The following PDXDC1 variants were observed in gnomAD, a reference collection of about 807,000 sequenced individuals.
The protein encoded by PDXDC1 is pyridoxal dependent decarboxylase domain containing 1.
Under a neutral mutation model 100.1 loss-of-function variants are expected in PDXDC1, and 42 were observed. That is an observed-to-expected ratio of 0.42 (90% confidence interval 0.33 to 0.54). The LOEUF (loss-of-function observed/expected upper bound fraction) is 0.54, where lower values mean the gene tolerates loss of function less well. Among genes scored for constraint, PDXDC1 ranks in the 20% least tolerant of loss-of-function variants. The pLI, the probability that PDXDC1 is intolerant of heterozygous loss-of-function variation, is 0.10. For synonymous variants in PDXDC1, 260 were observed against 371.7 expected (o/e 0.70, Z 3.46); for missense variants, 636 against 979.2 (o/e 0.65, Z 4.68).
chr16:15,082,252 C>T (rs1305730054), intron 16 of PDXDC1, among the ~76,000 whole-genome samples: 1 of 152,170 alleles, frequency 6.6e-6, no homozygotes, highest in Non-Finnish European at 1.5e-5. Flanking sequence ...GAGAAAATTT[C>T]CTTCTGTTTT....
At chr16:15,129,509 T>A (rs993254825) in intron 16 of PDXDC1, among the ~76,000 whole-genome samples, 4 of 152,226 alleles carry the variant, frequency 2.6e-5, no homozygotes, top group Non-Finnish European at 5.9e-5. Context: ...AATAGAGGTA[T>A]TGAAGAAACA....
downstream of PDXDC1, chr16:15,040,987 T>TG (rs1352727645): frequency 3.2e-6 from 3 of 938,290 alleles, no homozygotes; most frequent in Middle Eastern, 2.1e-4. Context: ...CTGACAGCAG[T>TG]GGGGTCATTG....
At chr16:15,127,877 A>C (rs1178138844) in intron 16 of PDXDC1, 2 of 1,557,320 alleles carry the variant, frequency 1.3e-6, no homozygotes, top group Non-Finnish European at 8.7e-7. Flanking sequence ...AGGCGCCGGA[A>C]GCGCAACAGG....
rs768530521 is a variant in PDXDC1, at chr16:15,074,757, A to G, written c.1399+44701A>G. On this transcript the variant is annotated intron_variant, in intron 16 of 16. Coordinates refer to the PDXDC1 transcript ENST00000535621. Reference sequence around the variant, plus strand: ...AGCAGACATCCTTCATGTAGGACAAAACCAAAGACATCAGGATGTCCAGGC... The same window carrying G: ...AGCAGACATCCTTCATGTAGGACAAGACCAAAGACATCAGGATGTCCAGGC... The G allele has an allele frequency of 9.3e-6, 15 of 1,613,942 alleles. 1 individual carries two copies. In the South Asian group the frequency reaches 1.6e-4, roughly 18 times the overall value.
At chr16:15,127,091 C>T (rs2047776829) in intron 16 of PDXDC1, 1 of 355,272 alleles carries the variant, frequency 2.8e-6, no homozygotes, top group East Asian at 7.4e-5. Flanking sequence ...CCCGGCCCGG[C>T]CACTGGGAGG....
chr16:15,036,264 A>G lies in PDXDC1; in HGVS notation c.2356A>G (p.Ser786Gly). 2 of 1,613,756 alleles carry G rather than the reference A, an allele frequency of 1.2e-6. No homozygotes were observed. Among genetic ancestry groups the G allele is most frequent in the Non-Finnish European group, 1.7e-6 (2 of 1,179,762 alleles). The change falls in exon 23 of 23, where the codon AGC (serine) becomes GGC (glycine). Residue 786 changes from serine to glycine, a missense_variant. Physicochemically the swap from Ser to Gly is moderately conservative, Grantham distance 56. Around this residue, in one of 4 missense-constraint regions of PDXDC1, gnomAD observed 452 missense variants for 402.9 expected, o/e 1.12. Transcript: ENST00000396410. ...CCACTCACAGGTAGAAGGACCGGAGAGCTTAAGATGAGACTCATTGTGTGG... is the reference window on the plus strand; with the variant it reads ...CCACTCACAGGTAGAAGGACCGGAGGGCTTAAGATGAGACTCATTGTGTGG... Reference protein sequence around the residue: ...DDHSQVEGPESLR With the variant: ...DDHSQVEGPEGLR
At chr16:15,099,092 T>A (rs1598057605) in intron 16 of PDXDC1, among the ~76,000 whole-genome samples, 1 of 152,056 alleles carries the variant, frequency 6.6e-6, no homozygotes, top group East Asian at 1.9e-4. Context: ...GCTGCCAAGT[T>A]TTTAAAAAGA....
intron 1 of PDXDC1, among the ~76,000 whole-genome samples, chr16:14,986,247 C>T (rs1440767714): frequency 6.6e-6 from 1 of 152,284 alleles, no homozygotes; most frequent in Non-Finnish European, 1.5e-5. Context: ...CCAAGGCAGG[C>T]AGATTATCTG....
At chr16:15,007,075 C>G (rs1310447733) in intron 6 of PDXDC1, among the ~76,000 whole-genome samples, 1 of 151,138 alleles carries the variant, frequency 6.6e-6, no homozygotes, top group Non-Finnish European at 1.5e-5. Flanking sequence ...GTGCATAAAG[C>G]TCTTCCTGTA....
intron 16 of PDXDC1, chr16:15,079,902 G>C (rs2045625756): frequency 7.5e-7 from 1 of 1,332,706 alleles, no homozygotes. Flanking sequence ...TGGCCAAGTG[G>C]ATTCTTTTCT....
At chr16:15,150,109 C>A in the PDXDC1 span, among the ~76,000 whole-genome samples, 1 of 152,070 alleles carries the variant, frequency 6.6e-6, no homozygotes, top group African/African-American at 2.4e-5. Context: ...CTTTGGGAGG[C>A]TGAGGCGGGT....
chr16:15,149,865 G>A, the PDXDC1 span, among the ~76,000 whole-genome samples: 1 of 152,096 alleles, frequency 6.6e-6, no homozygotes, highest in African/African-American at 2.4e-5. Flanking sequence ...GACAACCTCT[G>A]GGACAATGGG....
At chr16:15,075,854 TG>T (rs1338190402) in intron 16 of PDXDC1, among the ~76,000 whole-genome samples, 2 of 152,160 alleles carry the variant, frequency 1.3e-5, no homozygotes, top group Admixed American at 1.3e-4. Context: ...CTGTGAGTAC[TG>T]GCGGCCAATA....
chr16:15,132,802 G>C, intron 16 of PDXDC1: 3 of 1,301,778 alleles, frequency 2.3e-6, no homozygotes, highest in East Asian at 4.6e-5. Context: ...TCTCCGTGAT[G>C]TTCTTGCGTA....
intron 16 of PDXDC1, among the ~76,000 whole-genome samples, chr16:15,101,540 GGTCTCTACTAAACCCT>G (rs2046549794): frequency 6.6e-6 from 1 of 151,364 alleles, no homozygotes; most frequent in African/African-American, 2.4e-5. Context: ...GTTTCACCAT[GGTCTCTACTAAACCCT>G]GTCTCTACTA....
At chr16:14,975,614 C>T (rs1428323853) in intron 1 of PDXDC1, 1 of 985,408 alleles carries the variant, frequency 1.0e-6, no homozygotes, top group African/African-American at 1.7e-5. Context: ...GCAGTTATTT[C>T]AGAGCCAGCT....
At chr16:15,136,009 G>A in intron 16 of PDXDC1, 11 of 1,538,922 alleles carry the variant, frequency 7.1e-6, no homozygotes, top group Non-Finnish European at 9.7e-6. Flanking sequence ...CTCGGCTGTG[G>A]CTGGGTGTGG....
intron 16 of PDXDC1, chr16:15,091,171 T>G: frequency 1.3e-6 from 1 of 766,208 alleles, no homozygotes. Flanking sequence ...GGTAAAACTG[T>G]CCCTGGTTGA....
At chr16:15,028,096 T>C (rs2042761823) in intron 14 of PDXDC1, among the ~76,000 whole-genome samples, 1 of 152,292 alleles carries the variant, frequency 6.6e-6, no homozygotes, top group Non-Finnish European at 1.5e-5. Context: ...CCATGCCCCA[T>C]GAGGCCTGCA....
Sources: gnomAD v4.1 joint callset for allele counts (sites outside exome capture counted in the v4.1 genomes callset) on GRCh38, gnomAD v4.1.1 for gene constraint, gnomAD v4.1.1 regional missense constraint, MANE v1.5 for transcripts, NCBI Gene and HGNC (gene_info 2026-07-23, HGNC 2026-07-21) for gene names.